The following GALNT2 variants were observed in gnomAD, a reference collection of about 807,000 sequenced individuals.
GALNT2 encodes polypeptide N-acetylgalactosaminyltransferase 2.
Under a neutral mutation model 81.4 loss-of-function variants are expected in GALNT2, and 31 were observed. The observed-to-expected ratio is 0.38, with a 90% CI of 0.29 to 0.51. GALNT2 has a LOEUF of 0.51. Among genes scored for constraint, GALNT2 ranks in the 20% least tolerant of loss-of-function variants. GALNT2 has a pLI of 0.87. For synonymous variants in GALNT2, 303 were observed against 287.4 expected (o/e 1.05, Z -0.55); for missense variants, 629 against 765.7 (o/e 0.82, Z 2.11).
intron 1 of GALNT2, among the ~76,000 whole-genome samples, chr1:230,060,774 T>A (rs895571833): frequency 6.6e-5 from 10 of 152,204 alleles, no homozygotes; most frequent in African/African-American, 2.4e-4. Flanking sequence ...CTTTTGTCCA[T>A]TTATTTATTA....
chr1:230,126,782 G>A lies in GALNT2; in HGVS notation c.127-51436G>A, dbSNP rs567686640. Reference sequence around the variant, plus strand: ...TTGGTGGGTAAGAGTGTTCCAGCCCGTATAACCCCACGTGCACACTTTGCT... The same window carrying A: ...TTGGTGGGTAAGAGTGTTCCAGCCCATATAACCCCACGTGCACACTTTGCT... On this transcript the variant is annotated intron_variant, in intron 1 of 15. Transcript: ENST00000366672. 5.3e-5 allele frequency among the ~76,000 whole-genome samples: 8 copies of A among 152,284 alleles called. No individual in the cohort carries two copies. The South Asian group carries it at 1.4e-3, about 28-fold the overall frequency.
chr1:230,212,098 A>G (rs931212028), intron 3 of GALNT2, among the ~76,000 whole-genome samples: 1 of 152,224 alleles, frequency 6.6e-6, no homozygotes, highest in Non-Finnish European at 1.5e-5. Context: ...TTACTAAGCC[A>G]TGAAGTTTTA....
At chr1:230,269,467 T>C (rs1252097153) in intron 14 of GALNT2, among the ~76,000 whole-genome samples, 7 of 152,134 alleles carry the variant, frequency 4.6e-5, no homozygotes, top group African/African-American at 1.2e-4. Context: ...GTTACAGGCG[T>C]GAGCCACCAC....
chr1:230,137,295 C>CTG (rs1661579683), intron 1 of GALNT2, among the ~76,000 whole-genome samples: 1 of 152,334 alleles, frequency 6.6e-6, no homozygotes, highest in African/African-American at 2.4e-5. Flanking sequence ...GGGGTTGGTT[C>CTG]TGTGTGACAG....
intron 6 of GALNT2, among the ~76,000 whole-genome samples, chr1:230,236,954 A>G (rs536478512): frequency 2.6e-5 from 4 of 152,356 alleles, no homozygotes; most frequent in Admixed American, 2.6e-4. Context: ...ATTTTCATTT[A>G]TGTATTTAGA....
intron 10 of GALNT2, among the ~76,000 whole-genome samples, chr1:230,251,369 A>G (rs1665541014): frequency 6.6e-6 from 1 of 152,146 alleles, no homozygotes; most frequent in Non-Finnish European, 1.5e-5. Context: ...CATTTTTAAT[A>G]GTTTTGAGAC....
chr1:230,207,745 C>T (rs535809889), intron 3 of GALNT2, among the ~76,000 whole-genome samples: 75 of 152,150 alleles, frequency 4.9e-4, no homozygotes, highest in African/African-American at 1.7e-3. Flanking sequence ...CGCATCATGA[C>T]GCTAGGCTAA....
chr1:230,152,000 C>T (rs913046301), intron 1 of GALNT2, among the ~76,000 whole-genome samples: 11 of 152,258 alleles, frequency 7.2e-5, no homozygotes, highest in Non-Finnish European at 1.5e-4. Context: ...GCAGTGAGGA[C>T]GACCAGAGGT....
At chr1:230,148,564 A>C (rs1002196538) in intron 1 of GALNT2, among the ~76,000 whole-genome samples, 1 of 152,070 alleles carries the variant, frequency 6.6e-6, no homozygotes, top group African/African-American at 2.4e-5. Context: ...AGCCTTTTCA[A>C]GGGGTTTTGT....
chr1:230,142,388 C>G (rs541546358), intron 1 of GALNT2, among the ~76,000 whole-genome samples: 1 of 152,202 alleles, frequency 6.6e-6, no homozygotes, highest in South Asian at 2.1e-4. Context: ...ACTCACTGTG[C>G]CCCCCATGCT....
intron 3 of GALNT2, among the ~76,000 whole-genome samples, chr1:230,221,965 AC>A (rs1664559346): frequency 6.9e-6 from 1 of 144,164 alleles, no homozygotes; most frequent in Non-Finnish European, 1.5e-5. Flanking sequence ...TCTCCTCCTT[AC>A]TTCTGTCTTC....
At chr1:230,227,368 A>G (rs963869110) in intron 3 of GALNT2, among the ~76,000 whole-genome samples, 2 of 151,782 alleles carry the variant, frequency 1.3e-5, no homozygotes, top group African/African-American at 2.4e-5. Context: ...AAGAACAGCA[A>G]ATTGTTCAAT....
At chr1:230,198,453 G>A (rs1425072534) in intron 2 of GALNT2, among the ~76,000 whole-genome samples, 1 of 143,254 alleles carries the variant, frequency 7.0e-6, no homozygotes, top group Non-Finnish European at 1.5e-5. Flanking sequence ...GCCCAGGAGC[G>A]TACGAGGAGT....
intron 3 of GALNT2, among the ~76,000 whole-genome samples, chr1:230,233,887 G>C (rs995792869): frequency 6.6e-6 from 1 of 152,138 alleles, no homozygotes; most frequent in African/African-American, 2.4e-5. Context: ...AATTTTAGAA[G>C]AGTAAATGAT....
chr1:230,251,060 T>A (rs1350280028), intron 10 of GALNT2, among the ~76,000 whole-genome samples: 2 of 152,250 alleles, frequency 1.3e-5, no homozygotes, highest in African/African-American at 4.8e-5. Context: ...TTTTTTGTTT[T>A]TAAATACCCC....
intron 1 of GALNT2, among the ~76,000 whole-genome samples, chr1:230,136,234 C>T (rs1661533893): frequency 6.6e-6 from 1 of 152,152 alleles, no homozygotes; most frequent in South Asian, 2.1e-4. Flanking sequence ...TAACTATGAT[C>T]GAACCTGCAC....
intron 15 of GALNT2, among the ~76,000 whole-genome samples, chr1:230,277,545 G>A (rs1256401030): frequency 6.6e-6 from 1 of 152,192 alleles, no homozygotes; most frequent in East Asian, 1.9e-4. Context: ...AGCAACGAGG[G>A]AGCTGGAAAT....
At chr1:230,255,480 T>A (rs1207911755) in intron 11 of GALNT2, 136 bp downstream of exon 11, 2 of 1,188,450 alleles carry the variant, frequency 1.7e-6, no homozygotes, top group Non-Finnish European at 2.4e-6. Flanking sequence ...CACTTAGCAA[T>A]TGAAAGGCGC....
intron 1 of GALNT2, among the ~76,000 whole-genome samples, chr1:230,098,876 T>A (rs1458740142): frequency 6.6e-6 from 1 of 152,068 alleles, no homozygotes; most frequent in Non-Finnish European, 1.5e-5. Flanking sequence ...GACCATGATG[T>A]GTTATGAGGC....
Sources: gnomAD v4.1 joint callset for allele counts (sites outside exome capture counted in the v4.1 genomes callset) on GRCh38, gnomAD v4.1.1 for gene constraint, MANE v1.5 for transcripts, NCBI Gene and HGNC (gene_info 2026-07-23, HGNC 2026-07-21) for gene names.